The following RHOH variants were observed in gnomAD, a reference collection of about 807,000 sequenced individuals.
The protein encoded by RHOH is rho-related GTP-binding protein RhoH.
In RHOH, 6 loss-of-function variants were observed where a neutral mutation model predicts 13.8. The observed-to-expected ratio is 0.44, with a 90% CI of 0.24 to 0.86. The LOEUF (loss-of-function observed/expected upper bound fraction) is 0.86, where lower values mean the gene tolerates loss of function less well. Ranked by LOEUF, RHOH falls within the 40% of genes least tolerant of loss-of-function variation. The pLI, the probability that RHOH is intolerant of heterozygous loss-of-function variation, is 0.24. For synonymous variants in RHOH, 117 were observed against 103.0 expected, an observed-to-expected ratio of 1.14 and a Z score of -0.82; for missense variants, 147 against 244.5, an observed-to-expected ratio of 0.60 and a Z score of 2.66.
intron 1 of RHOH, among the ~76,000 whole-genome samples, chr4:40,238,106 G>A (rs1728799710): frequency 6.6e-6 from 1 of 152,100 alleles, no homozygotes; most frequent in Admixed American, 6.5e-5. Context: ...CTGAGAAGAC[G>A]AGCCATTTCA....
intron 1 of RHOH, chr4:40,209,508 T>A (rs1311830219): frequency 3.9e-5 from 6 of 152,104 alleles, no homozygotes; most frequent in African/African-American, 1.4e-4. Flanking sequence ...TGCAGTGGCA[T>A]GATGATGGCT....
chr4:40,227,088 G>A (rs1364422675), intron 1 of RHOH, among the ~76,000 whole-genome samples: 2 of 152,142 alleles, frequency 1.3e-5, no homozygotes, highest in African/African-American at 4.8e-5. Flanking sequence ...GAACCTGAGA[G>A]GTGGAGGTTG....
Position 40,237,175 on chromosome 4 carries a change from G to A in RHOH, c.-330-5539G>A, listed in dbSNP as rs1490868170. Among the ~76,000 whole-genome samples the A allele has an allele frequency of 2.0e-5, 3 of 152,256 alleles. 1 individual carries two copies. The highest frequency in any genetic ancestry group is 3.9e-4 in the East Asian group (2 of 5,176). ...TCCCCACAAGAACAAAGCACTGGCCGGGTAAGGTGGCTCACGCCTGTAATC... is the reference window on the plus strand; with the variant it reads ...TCCCCACAAGAACAAAGCACTGGCCAGGTAAGGTGGCTCACGCCTGTAATC... On this transcript the variant is annotated intron_variant, in intron 1 of 2. Transcript: ENST00000381799.
At chr4:40,205,413 T>A (rs1379204388) in intron 1 of RHOH, among the ~76,000 whole-genome samples, 1 of 152,314 alleles carries the variant, frequency 6.6e-6, no homozygotes, top group East Asian at 1.9e-4. Flanking sequence ...CATTAGCCGG[T>A]GGGTAAAGTG....
chr4:40,201,516 G>A (rs182904891), intron 1 of RHOH, among the ~76,000 whole-genome samples: 355 of 152,310 alleles, frequency 2.3e-3, no homozygotes, highest in Admixed American at 7.6e-3. Flanking sequence ...TCTGTGTGAT[G>A]GAAATGCTAT....
At chr4:40,234,802 C>T (rs2109534485) in intron 1 of RHOH, among the ~76,000 whole-genome samples, 1 of 127,482 alleles carries the variant, frequency 7.8e-6, no homozygotes, top group South Asian at 2.4e-4. Context: ...GTTGCCCAGG[C>T]TGGCATTGAA....
upstream of RHOH, among the ~76,000 whole-genome samples, chr4:40,194,513 G>A (rs1579207559): frequency 6.6e-6 from 1 of 152,164 alleles, no homozygotes; most frequent in East Asian, 1.9e-4. Context: ...ATAGGCGTGA[G>A]CCACAGCACT....
chr4:40,211,314 A>T (rs1335899585), intron 1 of RHOH, among the ~76,000 whole-genome samples: 3 of 152,112 alleles, frequency 2.0e-5, no homozygotes, highest in Admixed American at 2.0e-4. Context: ...CACCGAGGCC[A>T]GAGTGCAGTG....
At position 40,243,212 on chromosome 4, in the gene RHOH, C is replaced by T. The variant is rs543505373; in HGVS notation, c.-175C>T. The T allele has an allele frequency of 2.6e-5, 13 of 505,902 alleles. No individual in the cohort carries two copies. In the Admixed American group the frequency reaches 3.0e-4, roughly 12 times the overall value. 31.3% of individuals were successfully genotyped at this position (505,902 alleles called of 1,614,324 possible). On this transcript the variant is annotated 5_prime_UTR_variant, in exon 3 of 3. In the 5' UTR this introduces an upstream ATG that the reference lacks. Transcript: ENST00000381799. This position sits in a 1 kb window ranked among gnomAD's most constrained non-coding sequence, Gnocchi z 6.2. ...AGGCTTTGGAGGTTTTCAAAGCAGACGGTGCTTGGATGGGCAGGGAGAAGT... is the reference window on the plus strand; with the variant it reads ...AGGCTTTGGAGGTTTTCAAAGCAGATGGTGCTTGGATGGGCAGGGAGAAGT...
intron 1 of RHOH, among the ~76,000 whole-genome samples, chr4:40,224,194 C>T (rs1037229500): frequency 6.6e-6 from 1 of 152,240 alleles, no homozygotes; most frequent in African/African-American, 2.4e-5. Context: ...GTCTGTATAT[C>T]ATACCCTTCC....
At chr4:40,236,000 A>T (rs66778888) in intron 1 of RHOH, among the ~76,000 whole-genome samples, 15 of 53,366 alleles carry the variant, frequency 2.8e-4, no homozygotes, top group African/African-American at 5.4e-4. Flanking sequence ...AAAAAAAAAG[A>T]AAAAAAAAAG....
chr4:40,209,799 G>T (rs563941147), intron 1 of RHOH: 2 of 152,200 alleles, frequency 1.3e-5, no homozygotes, highest in Non-Finnish European at 2.9e-5. Context: ...AATTAGAAAA[G>T]AATTGACTTT....
chr4:40,201,876 T>C (rs1205009734), intron 1 of RHOH, among the ~76,000 whole-genome samples: 1 of 151,978 alleles, frequency 6.6e-6, no homozygotes, highest in Non-Finnish European at 1.5e-5. Flanking sequence ...TATTATCATT[T>C]ATAGCAGCAA....
At chr4:40,196,747 T>C (rs1723181406), upstream of RHOH, among the ~76,000 whole-genome samples, 1 of 150,694 alleles carries the variant, frequency 6.6e-6, no homozygotes, top group Non-Finnish European at 1.5e-5. Context: ...ATTTGGACTC[T>C]TCAGTCTTCC....
chr4:40,219,393 A>G (rs993124057), intron 1 of RHOH, among the ~76,000 whole-genome samples: 3 of 148,262 alleles, frequency 2.0e-5, no homozygotes, highest in Non-Finnish European at 3.0e-5. Context: ...GCTTGGGGAC[A>G]GAGTGAGACT....
In RHOH at chr4:40,225,295, A is replaced by G. The variant is rs537958563; in HGVS notation, c.-330-17419A>G. 2.3e-3 allele frequency among the ~76,000 whole-genome samples: 347 copies of G among 152,060 alleles called. 2 individuals are homozygous for G. Among genetic ancestry groups the G allele is most frequent in the Non-Finnish European group, 3.6e-3 (244 of 67,950 alleles). On this transcript the variant is annotated intron_variant, in intron 1 of 2. Coordinates refer to ENST00000381799, the MANE Select transcript of RHOH (RefSeq NM_004310.5). ...CCCGGCTAATCTTGCTGTGTTTCCC[A>G]GGCTGGTCTCAAACTCCTGGCCTTG...
chr4:40,224,586 T>C (rs759046581), intron 1 of RHOH, among the ~76,000 whole-genome samples: 163 of 152,368 alleles, frequency 1.1e-3, no homozygotes, highest in Middle Eastern at 3.4e-3. Context: ...TGTTTTTTAT[T>C]ATCACCATGC....
At chr4:40,221,064 C>G (rs1224088169) in intron 1 of RHOH, among the ~76,000 whole-genome samples, 1 of 152,174 alleles carries the variant, frequency 6.6e-6, no homozygotes, top group African/African-American at 2.4e-5. Flanking sequence ...CTTTGTTCCT[C>G]TTCTCCCTTA....
chr4:40,235,611 AAAAAG>A (rs1205396835), intron 1 of RHOH, among the ~76,000 whole-genome samples: 6 of 147,452 alleles, frequency 4.1e-5, no homozygotes, highest in East Asian at 2.0e-4. Flanking sequence ...AAAAAAAAGA[AAAAAG>A]AAAAAAAAAA....
Sources: gnomAD v4.1 joint callset for allele counts (sites outside exome capture counted in the v4.1 genomes callset) on GRCh38, gnomAD v4.1.1 for gene constraint, Gnocchi (gnomAD v3.1) non-coding constraint, MANE v1.5 for transcripts, NCBI Gene and HGNC (gene_info 2026-07-23, HGNC 2026-07-21) for gene names.